The following ZNF808 variants were observed in gnomAD, a reference collection of about 807,000 sequenced individuals.
The protein encoded by ZNF808 is zinc finger protein 808.
A neutral mutation model predicts 8.7 loss-of-function variants in ZNF808; 5 were observed. The observed-to-expected ratio is 0.58, with a 90% confidence interval of 0.30 to 1.21. ZNF808 has a LOEUF of 1.21. Among genes scored for constraint, ZNF808 ranks in the 50% most tolerant of loss-of-function variants. The probability of loss-of-function intolerance (pLI) is 0.07; values close to 1 mark genes in which losing one functional copy is unlikely to be tolerated. For synonymous variants in ZNF808, 380 were observed against 366.0 expected (o/e 1.04, Z -0.44); for missense variants, 1,103 against 1,098.4 (o/e 1.00, Z -0.06).
At chr19:52,560,681 C>T (rs186354948), downstream of ZNF808, among the ~76,000 whole-genome samples, 1 of 152,244 alleles carries the variant, frequency 6.6e-6, no homozygotes, top group African/African-American at 2.4e-5. Context: ...TTGTAATTTG[C>T]ATAGTTAACC....
At chr19:52,564,077 T>C (rs897130442) in exon 4 of ZNF808, 8 of 637,554 alleles carry the variant, frequency 1.3e-5, no homozygotes, top group East Asian at 9.8e-5. Flanking sequence ...CTTCTTGTCA[T>C]GTCTTCTCAC....
downstream of ZNF808, among the ~76,000 whole-genome samples, chr19:52,567,693 T>C (rs991209772): frequency 6.6e-6 from 1 of 151,370 alleles, no homozygotes; most frequent in Non-Finnish European, 1.5e-5. Context: ...CCAGGCTAAT[T>C]TTTATATTTG....
chr19:52,549,353 T>A (rs561796298), intron 4 of ZNF808, among the ~76,000 whole-genome samples: 1 of 152,312 alleles, frequency 6.6e-6, no homozygotes, highest in South Asian at 2.1e-4. Flanking sequence ...TACTGTACTC[T>A]TCATAGAGTT....
At chr19:52,561,962 TTGA>T (rs2059859797) in intron 3 of ZNF808, among the ~76,000 whole-genome samples, 1 of 152,222 alleles carries the variant, frequency 6.6e-6, no homozygotes, top group African/African-American at 2.4e-5. Context: ...TTCCCTGATG[TTGA>T]TGATGGCATG....
chr19:52,535,330 C>CAA (rs560559835), intron 2 of ZNF808, among the ~76,000 whole-genome samples: 1,388 of 69,044 alleles, frequency 0.02, 51 homozygotes, highest in African/African-American at 0.06. Context: ...GACTCCGTCT[C>CAA]AAAAAAAAAA....
chr19:52,568,223 C>T (rs916160887), downstream of ZNF808, among the ~76,000 whole-genome samples: 24 of 152,164 alleles, frequency 1.6e-4, no homozygotes, highest in African/African-American at 5.5e-4. Context: ...AATACAAAGC[C>T]ATTAGCCGGG....
intron 2 of ZNF808, chr19:52,536,050 A>T: frequency 6.1e-6 from 1 of 164,914 alleles, no homozygotes; most frequent in Non-Finnish European, 1.3e-5. Flanking sequence ...GCGGCGCGTG[A>T]GTTTTGCTCT....
intron 3 of ZNF808, among the ~76,000 whole-genome samples, chr19:52,543,717 C>T (rs1463917290): frequency 6.6e-6 from 1 of 152,082 alleles, no homozygotes; most frequent in African/African-American, 2.4e-5. Flanking sequence ...ATATGAAATA[C>T]GTATGTTAAT....
chr19:52,565,629 G>A (rs1333565109), downstream of ZNF808, among the ~76,000 whole-genome samples: 1 of 152,126 alleles, frequency 6.6e-6, no homozygotes, highest in Non-Finnish European at 1.5e-5. Context: ...TATTTTTTAT[G>A]TAAAAATTCA....
chr19:52,532,310 C>G (rs2059568229), intron 1 of ZNF808, among the ~76,000 whole-genome samples: 1 of 151,884 alleles, frequency 6.6e-6, no homozygotes, highest in Non-Finnish European at 1.5e-5. Context: ...ATTGCAATCT[C>G]TGCCTCCCAG....
intron 2 of ZNF808, among the ~76,000 whole-genome samples, chr19:52,539,289 G>T (rs1288377064): frequency 6.7e-6 from 1 of 150,098 alleles, no homozygotes; most frequent in Non-Finnish European, 1.5e-5. Context: ...TGCCTCCTGG[G>T]TTCAAGGAAT....
rs1295315885 is a variant in ZNF808 at position 52,539,276 on chromosome 19, CT to C, written c.-19-3989del. On this transcript the variant is annotated intron_variant, in intron 2 of 4. Transcript: ENST00000359798. The stretch of plus-strand genomic sequence containing the variant: ...TGGAGCAGTCTTGACTCACTGCAAC[CT>C]CTGCCTCCTGGGTTCAAGGAATTCT... Among the ~76,000 whole-genome samples, 7 of 148,130 alleles carry C rather than the reference CT, an allele frequency of 4.7e-5. No individual in the cohort carries two copies. In the East Asian group the frequency reaches 1.4e-3, roughly 30 times the overall value.
downstream of ZNF808, among the ~76,000 whole-genome samples, chr19:52,558,858 T>C (rs2059847593): frequency 6.6e-6 from 1 of 152,206 alleles, no homozygotes; most frequent in Admixed American, 6.5e-5. Context: ...ACATGTGCTG[T>C]GTCAACTCAA....
chr19:52,546,829 A>G (rs1367740909), intron 3 of ZNF808, among the ~76,000 whole-genome samples: 1 of 149,930 alleles, frequency 6.7e-6, no homozygotes, highest in African/African-American at 2.5e-5. Context: ...TTTTCAGTAG[A>G]GATGTGGTTT....
At chr19:52,560,325 CAA>C (rs36115849), downstream of ZNF808, among the ~76,000 whole-genome samples, 3 of 136,156 alleles carry the variant, frequency 2.2e-5, no homozygotes, top group Non-Finnish European at 3.2e-5. Flanking sequence ...CACTCCTTCT[CAA>C]AAAAAAAAAA....
downstream of ZNF808, among the ~76,000 whole-genome samples, chr19:52,559,405 C>T (rs1373900792): frequency 6.6e-6 from 1 of 152,090 alleles, no homozygotes; most frequent in Non-Finnish European, 1.5e-5. Context: ...TCAGGTTTTC[C>T]TGCTGACCCT....
At chr19:52,546,023 G>T (rs2059716461) in intron 3 of ZNF808, among the ~76,000 whole-genome samples, 1 of 152,144 alleles carries the variant, frequency 6.6e-6, no homozygotes, top group Admixed American at 6.6e-5. Flanking sequence ...TTGATTTGTG[G>T]TAATTTTCCT....
At chr19:52,534,873 A>G (rs2059590774) in intron 2 of ZNF808, among the ~76,000 whole-genome samples, 1 of 152,188 alleles carries the variant, frequency 6.6e-6, no homozygotes, top group South Asian at 2.1e-4. Context: ...TGGGCCACAG[A>G]GAAATACTCT....
At chr19:52,543,771 A>G (rs573589856) in intron 3 of ZNF808, among the ~76,000 whole-genome samples, 11 of 152,288 alleles carry the variant, frequency 7.2e-5, no homozygotes, top group African/African-American at 2.4e-4. Context: ...GACGAATAAG[A>G]GGAGATATTT....
Sources: allele counts gnomAD v4.1 joint callset (sites outside exome capture counted in the v4.1 genomes callset), GRCh38; gene constraint gnomAD v4.1.1; transcripts MANE v1.5; gene names NCBI Gene and HGNC (gene_info 2026-07-23, HGNC 2026-07-21).